Variants in ATP11A observed in about 807,000 individuals in gnomAD.
ATP11A encodes ATPase phospholipid transporting 11A, also known as phospholipid-transporting ATPase IH.
In ATP11A, 81 loss-of-function variants were observed where a neutral mutation model predicts 154.4. The observed-to-expected ratio is 0.52, with a 90% confidence interval of 0.44 to 0.63. The LOEUF (loss-of-function observed/expected upper bound fraction) is 0.63, where lower values mean the gene tolerates loss of function less well. Among genes scored for constraint, ATP11A ranks in the 30% least tolerant of loss-of-function variants. The pLI is 0.00. For missense variants in ATP11A, 1,316 were observed against 1,474.3 expected, an observed-to-expected ratio of 0.89 and a Z score of 1.76; for synonymous variants, 623 against 585.9, an observed-to-expected ratio of 1.06 and a Z score of -0.91.
At chr13:112,870,750 C>G (rs869373) in intron 25 of ATP11A, among the ~76,000 whole-genome samples, 3,918 of 152,330 alleles carry the variant, frequency 0.026, 182 homozygotes, top group African/African-American at 0.089. Context: ...TAGAAATCGT[C>G]TGGGCCACAG....
At chr13:112,868,964 C>G (rs1204604632) in intron 25 of ATP11A, among the ~76,000 whole-genome samples, 1 of 152,030 alleles carries the variant, frequency 6.6e-6, no homozygotes, top group African/African-American at 2.4e-5. Context: ...AACCAGATCT[C>G]ATGAGAACTC....
intron 17 of ATP11A, among the ~76,000 whole-genome samples, chr13:112,845,107 A>G (rs764924998): frequency 2.0e-4 from 30 of 151,608 alleles, no homozygotes; most frequent in Non-Finnish European, 3.8e-4. Context: ...GCCAGCCACT[A>G]GCGGTACTAG....
intron 17 of ATP11A, among the ~76,000 whole-genome samples, chr13:112,846,686 G>A (rs74639449): frequency 0.05 from 7,608 of 152,326 alleles, 289 homozygotes; most frequent in Non-Finnish European, 0.075. Context: ...GTGCCCCTGC[G>A]TGATGGTGGC....
intron 29 of ATP11A, chr13:112,881,349 G>A: frequency 9.8e-7 from 1 of 1,015,498 alleles, no homozygotes. Flanking sequence ...TGCAAGCTGG[G>A]CACGTCCAGT....
chr13:112,793,531 G>T (rs2077917358), intron 2 of ATP11A, among the ~76,000 whole-genome samples: 1 of 152,098 alleles, frequency 6.6e-6, no homozygotes, highest in Admixed American at 6.5e-5. Flanking sequence ...AGCCCCTCTG[G>T]GTGCTCACGA....
chr13:112,854,651 G>C, intron 19 of ATP11A, 121 bp downstream of exon 19: 1 of 1,196,714 alleles, frequency 8.4e-7, no homozygotes, highest in Non-Finnish European at 1.1e-6. Context: ...TTCTCCCCTG[G>C]GGCATTAATG....
chr13:112,883,149 T>TGTCCCGTCCCCAC lies in ATP11A; in HGVS notation c.*1284_*1296dup, dbSNP rs2080923354. ...TCATCCCCACGTCCTCTCGTCCCCT[T>TGTCCCGTCCCCAC]GTCCCGTCCCCACATACCCTCGTCC... On this transcript the variant is annotated 3_prime_UTR_variant, in exon 30 of 30. Transcript: ENST00000375645. The TGTCCCGTCCCCAC allele has an allele frequency of 3.1e-5, 12 of 392,548 alleles. No homozygotes were observed. Among genetic ancestry groups the TGTCCCGTCCCCAC allele is most frequent in the Admixed American group, 4.5e-5 (1 of 22,302 alleles). 24.3% of individuals were successfully genotyped at this position (392,548 alleles called of 1,614,324 possible).
At chr13:112,715,905 T>G (rs1888408819) in intron 1 of ATP11A, among the ~76,000 whole-genome samples, 1 of 151,846 alleles carries the variant, frequency 6.6e-6, no homozygotes, top group Admixed American at 6.5e-5. Context: ...TCCTTAGAAA[T>G]CCGATCCCAT....
intron 2 of ATP11A, among the ~76,000 whole-genome samples, chr13:112,803,745 C>T (rs1237061277): frequency 2.5e-5 from 3 of 122,336 alleles, no homozygotes. Flanking sequence ...CCTTCCCCTC[C>T]TTCTCTCATT....
intron 14 of ATP11A, among the ~76,000 whole-genome samples, chr13:112,833,264 C>T (rs1418850767): frequency 1.3e-5 from 2 of 152,164 alleles, no homozygotes; most frequent in Non-Finnish European, 2.9e-5. Context: ...GCGTGGGTGG[C>T]TTTTCCTCCT....
chr13:112,810,739 C>A lies in ATP11A; in HGVS notation c.441+13C>A. On this transcript the variant is annotated intron_variant, in intron 5 of 29. Transcript: ENST00000375645. ...TCGAAAGCTGCGAGTAAGTGACACCCGACACATTTACGCTGGTGAAGTCCA... is the reference window on the plus strand; with the variant it reads ...TCGAAAGCTGCGAGTAAGTGACACCAGACACATTTACGCTGGTGAAGTCCA... The A allele has an allele frequency of 6.2e-7, 1 of 1,610,582 alleles. No homozygotes were observed. The highest frequency in any genetic ancestry group is 8.5e-7 in the Non-Finnish European group (1 of 1,176,874).
intron 8 of ATP11A, among the ~76,000 whole-genome samples, chr13:112,822,242 C>G (rs977911920): frequency 3.3e-5 from 5 of 152,194 alleles, no homozygotes; most frequent in Non-Finnish European, 7.3e-5. Context: ...TTATTTCTCC[C>G]TTACTACTTA....
chr13:112,783,685 C>T (rs909443905), intron 1 of ATP11A, among the ~76,000 whole-genome samples: 3 of 152,198 alleles, frequency 2.0e-5, no homozygotes, highest in Non-Finnish European at 2.9e-5. Context: ...GGGCGTGGGA[C>T]GAGAGCCACA....
chr13:112,800,746 C>G (rs1053291346), intron 2 of ATP11A, among the ~76,000 whole-genome samples: 9 of 152,070 alleles, frequency 5.9e-5, no homozygotes, highest in African/African-American at 2.2e-4. Flanking sequence ...AGCAACGATT[C>G]TCAATAAAAT....
rs759481433 is a variant in ATP11A, at chr13:112,804,906, C to T, written c.163-51C>T. ...CTTACTATGCCCTAGAGTAACACTA[C>T]AAGAGTAAAATCTGATCTCAATGAT... is the stretch of plus-strand genomic sequence containing the variant. On this transcript the variant is annotated intron_variant, in intron 2 of 29. Coordinates refer to ENST00000375645, the MANE Select transcript of ATP11A (RefSeq NM_015205.3). The T allele has an allele frequency of 6.6e-6, 8 of 1,207,760 alleles. No homozygotes were observed. The East Asian group carries it at 1.6e-4, about 25-fold the overall frequency. 74.8% of individuals were successfully genotyped at this position (1,207,760 alleles called of 1,614,324 possible).
intron 1 of ATP11A, among the ~76,000 whole-genome samples, chr13:112,780,758 A>G (rs542975974): frequency 1.4e-4 from 21 of 152,158 alleles, no homozygotes; most frequent in African/African-American, 2.9e-4. Flanking sequence ...AGTTTGGACA[A>G]TGGGTTGTTA....
In ATP11A at chr13:112,884,313, TAGA is replaced by T. The variant is rs1264988038; in HGVS notation, c.*2451_*2453del. 6.5e-6 allele frequency: 1 copy of T among 152,678 alleles called. No homozygotes were observed. Among genetic ancestry groups the T allele is most frequent in the Non-Finnish European group, 1.5e-5 (1 of 68,042 alleles). 9.5% of individuals were successfully genotyped at this position (152,678 alleles called of 1,614,324 possible). A position where few individuals can be genotyped will look rare whatever the true frequency, so the allele number is the denominator to read the frequency against. On this transcript the variant is annotated 3_prime_UTR_variant, in exon 30 of 30. Transcript: ENST00000375645. The stretch of plus-strand genomic sequence containing the variant: ...AATTGCCATCCTTCAGCCTTAAAAA[TAGA>T]AGATTCTCACGTGAAGGTTTAGTAA...
In ATP11A at chr13:112,886,558, G is replaced by A. The variant is rs1259129235; in HGVS notation, c.*4692G>A. 1 of 152,196 alleles carries A rather than the reference G, an allele frequency of 6.6e-6. No homozygotes were observed. The highest frequency in any genetic ancestry group is 2.1e-4 in the South Asian group (1 of 4,816). The allele number at this position is 152,196 out of a possible 1,614,324, so 9.4% of individuals were successfully genotyped here. A position where few individuals can be genotyped will look rare whatever the true frequency, so the allele number is the denominator to read the frequency against. On this transcript the variant is annotated 3_prime_UTR_variant, in exon 30 of 30. Transcript: ENST00000375645. ...AATCTTTTTTTTTTTTAAGCTAAAG[G>A]TGGGTGAACTGGAATGAAAATCTTT...
chr13:112,836,364 CT>C (rs933198339), intron 16 of ATP11A, 113 bp downstream of exon 16: 2 of 606,350 alleles, frequency 3.3e-6, no homozygotes, highest in African/African-American at 1.9e-5. Flanking sequence ...ATGATTTATT[CT>C]TTTTTTAAAA....
Sources: gnomAD v4.1 joint callset for allele counts (sites outside exome capture counted in the v4.1 genomes callset) on GRCh38, gnomAD v4.1.1 for gene constraint, MANE v1.5 for transcripts, NCBI Gene and HGNC (gene_info 2026-07-23, HGNC 2026-07-21) for gene names.